The following AOAH variants were observed in gnomAD, a reference collection of about 807,000 sequenced individuals.
The protein encoded by AOAH is acyloxyacyl hydrolase.
AOAH carries 64 observed loss-of-function variants against 92.2 expected under a neutral mutation model. The observed-to-expected ratio is 0.69, with a 90% CI of 0.57 to 0.86. AOAH has a LOEUF of 0.86. AOAH is among the 40% of genes least tolerant of loss of function. The pLI, the probability that AOAH is intolerant of heterozygous loss-of-function variation, is 0.00. For synonymous variants in AOAH, 263 were observed against 254.5 expected (o/e 1.03, Z -0.32); for missense variants, 656 against 694.6 (o/e 0.94, Z 0.62).
intron 13 of AOAH, among the ~76,000 whole-genome samples, chr7:36,574,793 C>T (rs1417315400): frequency 1.3e-5 from 2 of 152,144 alleles, no homozygotes; most frequent in African/African-American, 4.8e-5. Context: ...AGCGATCACT[C>T]GTAATTTATC....
chr7:36,651,510 G>A (rs1034883802), intron 4 of AOAH, among the ~76,000 whole-genome samples: 5 of 152,278 alleles, frequency 3.3e-5, no homozygotes, highest in Admixed American at 2.6e-4. Context: ...CTAAGTAAGC[G>A]AACATGTCAG....
chr7:36,604,333 A>G (rs2115740488), intron 11 of AOAH, among the ~76,000 whole-genome samples: 1 of 152,294 alleles, frequency 6.6e-6, no homozygotes, highest in South Asian at 2.1e-4. Context: ...ATTATTAATT[A>G]TCGTGAGCTT....
intron 8 of AOAH, 83 bp from the exon 9 acceptor site, chr7:36,620,912 A>C: frequency 3.3e-6 from 4 of 1,217,072 alleles, no homozygotes; most frequent in Middle Eastern, 1.9e-4. Flanking sequence ...TGAATGAATG[A>C]ATGAATGAAT....
intron 16 of AOAH, among the ~76,000 whole-genome samples, chr7:36,537,678 C>T (rs1785164479): frequency 1.3e-5 from 2 of 152,040 alleles, no homozygotes; most frequent in Admixed American, 6.6e-5. Flanking sequence ...GCCACCACGC[C>T]CAGCTAATTT....
In AOAH at chr7:36,592,503, TCA is replaced by T. The variant is rs369365085; in HGVS notation, c.938+1834_938+1835del. ...ATTTCTCCATCCCATAGCTATGCTCTCACACAGAGGGACAATGGTTAGAGTGA... is the reference window on the plus strand; with the variant it reads ...ATTTCTCCATCCCATAGCTATGCTCTCACAGAGGGACAATGGTTAGAGTGA... On this transcript the variant is annotated intron_variant, in intron 12 of 20. Transcript: ENST00000617537. Among the ~76,000 whole-genome samples the T allele has an allele frequency of 2.0e-4, 31 of 152,294 alleles. No individual in the cohort carries two copies. In the East Asian group the frequency reaches 2.5e-3, roughly 12 times the overall value.
At chr7:36,693,717 G>C (rs1797545230) in intron 1 of AOAH, among the ~76,000 whole-genome samples, 1 of 152,102 alleles carries the variant, frequency 6.6e-6, no homozygotes, top group Non-Finnish European at 1.5e-5. Context: ...ACTATTATTA[G>C]GCGATAAAGG....
At chr7:36,599,726 A>C (rs1291649726) in intron 11 of AOAH, 2 of 152,224 alleles carry the variant, frequency 1.3e-5, no homozygotes, top group African/African-American at 2.4e-5. Flanking sequence ...CGGGAATCAA[A>C]GACAAGGGCT....
At chr7:36,521,077 G>A (rs1018606050) in intron 20 of AOAH, among the ~76,000 whole-genome samples, 1 of 152,036 alleles carries the variant, frequency 6.6e-6, no homozygotes, top group African/African-American at 2.4e-5. Context: ...AGGAAGGTGG[G>A]CTGTGTTTAC....
chr7:36,659,079 C>T (rs6959295), intron 4 of AOAH, 87 bp downstream of exon 4: 362,785 of 1,063,612 alleles, frequency 0.34, 63,661 homozygotes, highest in South Asian at 0.46. Flanking sequence ...AAACACTGAG[C>T]GAGTAAAAGC....
chr7:36,570,935 G>C (rs1788099472), intron 13 of AOAH, among the ~76,000 whole-genome samples: 2 of 152,140 alleles, frequency 1.3e-5, no homozygotes, highest in Non-Finnish European at 2.9e-5. Flanking sequence ...GCTAATATCG[G>C]CCCCATGTGG....
At chr7:36,514,847 T>C (rs1406463012) in intron 20 of AOAH, among the ~76,000 whole-genome samples, 1 of 152,026 alleles carries the variant, frequency 6.6e-6, no homozygotes, top group Non-Finnish European at 1.5e-5. Context: ...ATCTGGACAT[T>C]GAGTGGGCGA....
At chr7:36,662,047 C>T (rs1795245441) in intron 3 of AOAH, among the ~76,000 whole-genome samples, 1 of 152,180 alleles carries the variant, frequency 6.6e-6, no homozygotes, top group African/African-American at 2.4e-5. Context: ...GACCGCTACA[C>T]CTCCAAACAC....
At chr7:36,564,443 G>A (rs546918414) in intron 13 of AOAH, among the ~76,000 whole-genome samples, 1 of 152,306 alleles carries the variant, frequency 6.6e-6, no homozygotes, top group African/African-American at 2.4e-5. Context: ...AGAGAAAGGA[G>A]AGGAGGGGAG....
rs75023867 is a variant in AOAH at position 36,643,857 on chromosome 7, A to G, written c.391-5947T>C. 5.3e-3 allele frequency among the ~76,000 whole-genome samples: 811 copies of G among 152,190 alleles called. 2 individuals are homozygous for G. The highest frequency in any genetic ancestry group is 0.018 in the African/African-American group (764 of 41,506). On this transcript the variant is annotated intron_variant, in intron 4 of 20. Transcript: ENST00000617537. ...TCTCTTCCTCCTGCTCTTGCCATAT[A>G]AGAGGTTCCTGCCTCCCCTTTGCCT... is the stretch of plus-strand genomic sequence containing the variant.
chr7:36,536,985 C>A (rs990467807), intron 16 of AOAH, among the ~76,000 whole-genome samples: 2 of 141,576 alleles, frequency 1.4e-5, no homozygotes, highest in Non-Finnish European at 3.1e-5. Context: ...AAGAATCACA[C>A]CTTCCTAATG....
At chr7:36,605,893 G>A (rs763385615) in intron 11 of AOAH, among the ~76,000 whole-genome samples, 6 of 152,136 alleles carry the variant, frequency 3.9e-5, no homozygotes, top group Admixed American at 6.5e-5. Flanking sequence ...AATTCACCAC[G>A]GTGAACACAA....
intron 1 of AOAH, among the ~76,000 whole-genome samples, chr7:36,697,358 T>C (rs1322211101): frequency 6.6e-6 from 1 of 152,230 alleles, no homozygotes; most frequent in Non-Finnish European, 1.5e-5. Context: ...GCTTTTCAGA[T>C]GTTAAATAAG....
Position 36,530,286 on chromosome 7 carries a change from G to T in AOAH, c.1522+132C>A. ...TTTTTCAATACTGAGAGCTATTAGT[G>T]TGTCAGAATAGGCAGGAGTAACCCT... On this transcript the variant is annotated intron_variant, in intron 19 of 20. Coordinates refer to ENST00000617537, the MANE Select transcript of AOAH (RefSeq NM_001637.4). The T allele has an allele frequency of 9.5e-6, 6 of 629,452 alleles. No individual in the cohort carries two copies. In the South Asian group the frequency reaches 9.8e-5, roughly 10 times the overall value. The allele number at this position is 629,452 out of a possible 1,614,324, so 39.0% of individuals were successfully genotyped here.
chr7:36,589,813 T>G (rs1448621102), intron 12 of AOAH, among the ~76,000 whole-genome samples: 1 of 152,240 alleles, frequency 6.6e-6, no homozygotes, highest in Non-Finnish European at 1.5e-5. Context: ...TGGTATTGTT[T>G]CCCATCTTTC....
Sources: allele counts gnomAD v4.1 joint callset (sites outside exome capture counted in the v4.1 genomes callset), GRCh38; gene constraint gnomAD v4.1.1; transcripts MANE v1.5; gene names NCBI Gene and HGNC (gene_info 2026-07-23, HGNC 2026-07-21).